RNF11: variants seen among roughly 807,000 people sequenced by gnomAD.
RNF11 encodes the protein ring finger protein 11.
In RNF11, 4 loss-of-function variants were observed where a neutral mutation model predicts 15.8. That is an observed-to-expected ratio of 0.25 (90% CI 0.12 to 0.58). RNF11 has a LOEUF of 0.58. Ranked by LOEUF, RNF11 falls within the 20% of genes least tolerant of loss-of-function variation. RNF11 has a pLI of 0.91. For synonymous variants in RNF11, 68 were observed against 72.3 expected (o/e 0.94, Z 0.30); for missense variants, 139 against 194.4 (o/e 0.71, Z 1.70).
At chr1:51,246,979 TAAA>T (rs58842374) in intron 1 of RNF11, among the ~76,000 whole-genome samples, 7 of 126,554 alleles carry the variant, frequency 5.5e-5, no homozygotes, top group Non-Finnish European at 6.8e-5. Context: ...CCTTATCTCT[TAAA>T]AAAAAAAAAA....
At chr1:51,251,370 C>A (rs1646877160) in intron 1 of RNF11, 1 of 1,475,836 alleles carries the variant, frequency 6.8e-7, no homozygotes, top group East Asian at 2.4e-5. Flanking sequence ...ACGGCTGCGA[C>A]CCCGGCCCCG....
At chr1:51,248,117 T>G (rs1646860861) in intron 1 of RNF11, among the ~76,000 whole-genome samples, 1 of 149,190 alleles carries the variant, frequency 6.7e-6, no homozygotes, top group Non-Finnish European at 1.5e-5. Flanking sequence ...TTTTTTTTTT[T>G]TGAGATGGAG....
chr1:51,238,492 C>G (rs1461238939), intron 1 of RNF11, among the ~76,000 whole-genome samples: 1 of 152,150 alleles, frequency 6.6e-6, no homozygotes, highest in Non-Finnish European at 1.5e-5. Flanking sequence ...ACTCTCCCCT[C>G]GCTCAGTTTC....
At chr1:51,261,444 TCA>T (rs1198376870) in intron 1 of RNF11, among the ~76,000 whole-genome samples, 1 of 152,152 alleles carries the variant, frequency 6.6e-6, no homozygotes, top group Non-Finnish European at 1.5e-5. Context: ...GAACTCTGAG[TCA>T]CAGAGTTCTG....
At chr1:51,244,512 G>A (rs1201540881) in intron 1 of RNF11, among the ~76,000 whole-genome samples, 1 of 151,968 alleles carries the variant, frequency 6.6e-6, no homozygotes, top group Non-Finnish European at 1.5e-5. Flanking sequence ...AGCCTGTCCC[G>A]AGTAGCTGGG....
At chr1:51,242,458 C>T (rs889579131) in intron 1 of RNF11, among the ~76,000 whole-genome samples, 1 of 151,202 alleles carries the variant, frequency 6.6e-6, no homozygotes, top group Non-Finnish European at 1.5e-5. Context: ...AGACCCCCAT[C>T]TCTATTAAAA....
chr1:51,269,305 C>G (rs1304647387), intron 1 of RNF11, among the ~76,000 whole-genome samples: 1 of 152,168 alleles, frequency 6.6e-6, no homozygotes, highest in Non-Finnish European at 1.5e-5. Flanking sequence ...CATGGCTCAA[C>G]CCTGTGGCCC....
Position 51,271,410 on chromosome 1 carries a change from A to C in RNF11, c.*88A>C. On this transcript the variant is annotated 3_prime_UTR_variant, in exon 3 of 3. Coordinates refer to ENST00000242719, the MANE Select transcript of RNF11 (RefSeq NM_014372.5). Reference sequence around the variant, plus strand: ...TGAGCCCAAAGAGCCAGGGATTAGGAATTAAGATCGTGCACAAAAGTTTCC... The same window carrying C: ...TGAGCCCAAAGAGCCAGGGATTAGGCATTAAGATCGTGCACAAAAGTTTCC... 9.0e-7 allele frequency: 1 copy of C among 1,113,746 alleles called. No homozygotes were observed. The highest frequency in any genetic ancestry group is 1.2e-6 in the Non-Finnish European group (1 of 800,874). The allele number at this position is 1,113,746 out of a possible 1,614,324, so 69.0% of individuals were successfully genotyped here.
chr1:51,265,455 TTCCTTTTC>T (rs944351598), intron 1 of RNF11, among the ~76,000 whole-genome samples: 1 of 152,240 alleles, frequency 6.6e-6, no homozygotes, highest in Non-Finnish European at 1.5e-5. Context: ...TTTTAAATTA[TTCCTTTTC>T]TCCTTTTCTT....
At chr1:51,250,199 C>T (rs1412236002) in intron 1 of RNF11, among the ~76,000 whole-genome samples, 2 of 152,086 alleles carry the variant, frequency 1.3e-5, no homozygotes, top group Non-Finnish European at 1.5e-5. Context: ...TTATGATGTA[C>T]ACCATGGTGT....
intron 1 of RNF11, among the ~76,000 whole-genome samples, chr1:51,247,976 AC>A (rs1646859673): frequency 1.3e-5 from 2 of 152,202 alleles, no homozygotes; most frequent in Non-Finnish European, 2.9e-5. Context: ...AGTTAAAGTT[AC>A]ATGTAATTTT....
At chr1:51,261,041 T>C (rs2148072197) in intron 1 of RNF11, among the ~76,000 whole-genome samples, 1 of 152,326 alleles carries the variant, frequency 6.6e-6, no homozygotes, top group South Asian at 2.1e-4. Context: ...TCATTCCTTT[T>C]TCACATATAC....
At chr1:51,248,282 A>G (rs1410963128) in intron 1 of RNF11, among the ~76,000 whole-genome samples, 1 of 149,184 alleles carries the variant, frequency 6.7e-6, no homozygotes, top group Non-Finnish European at 1.5e-5. Context: ...ATCTTGGCTC[A>G]TTGCAACCTC....
At chr1:51,267,561 A>G (rs1646960680) in intron 1 of RNF11, among the ~76,000 whole-genome samples, 1 of 152,224 alleles carries the variant, frequency 6.6e-6, no homozygotes, top group Non-Finnish European at 1.5e-5. Flanking sequence ...ACATATATGA[A>G]AGGTTTTCTG....
intron 1 of RNF11, chr1:51,251,420 C>G: frequency 8.1e-7 from 1 of 1,237,112 alleles, no homozygotes; most frequent in South Asian, 1.3e-5. Context: ...CACCGCAGTT[C>G]CCCATCCCAG....
chr1:51,240,192 AC>A (rs1376075343), intron 1 of RNF11, among the ~76,000 whole-genome samples: 1 of 152,116 alleles, frequency 6.6e-6, no homozygotes, highest in Non-Finnish European at 1.5e-5. Context: ...CATAATCTGT[AC>A]CCCTTGTTTC....
chr1:51,244,388 T>G (rs113942915), intron 1 of RNF11, among the ~76,000 whole-genome samples: 3,227 of 152,202 alleles, frequency 0.021, 95 homozygotes, highest in African/African-American at 0.065. Context: ...TGTTTTTTTT[T>G]TTGTTTGTTT....
intron 1 of RNF11, among the ~76,000 whole-genome samples, chr1:51,256,212 G>A (rs193188414): frequency 6.6e-6 from 1 of 152,098 alleles, no homozygotes; most frequent in Admixed American, 6.5e-5. Context: ...AATTTTCCGT[G>A]TTCCATCTGT....
intron 1 of RNF11, among the ~76,000 whole-genome samples, chr1:51,262,396 C>T (rs1476422675): frequency 1.3e-5 from 2 of 152,188 alleles, no homozygotes; most frequent in African/African-American, 2.4e-5. Flanking sequence ...GGAGCAAATG[C>T]TCATGACCTT....
Sources: gnomAD v4.1 joint callset for allele counts (sites outside exome capture counted in the v4.1 genomes callset) on GRCh38, gnomAD v4.1.1 for gene constraint, MANE v1.5 for transcripts, NCBI Gene and HGNC (gene_info 2026-07-23, HGNC 2026-07-21) for gene names.